DCDC2C: variants seen among roughly 807,000 people sequenced by gnomAD.
DCDC2C encodes the protein doublecortin domain-containing protein 2C.
A neutral mutation model predicts 45.0 loss-of-function variants in DCDC2C; 44 were observed. That is an observed-to-expected ratio of 0.98 (90% CI 0.77 to 1.26). The LOEUF (loss-of-function observed/expected upper bound fraction) is 1.26. Ranked by LOEUF, DCDC2C falls within the 50% of genes most tolerant of loss-of-function variation. The pLI is 0.00. For synonymous variants in DCDC2C, 187 were observed against 178.8 expected (o/e 1.05, Z -0.37); for missense variants, 447 against 468.9 (o/e 0.95, Z 0.43).
At position 3,840,019 on chromosome 2, in the gene DCDC2C, C is replaced by T. The variant is rs536205124; in HGVS notation, c.1066-7135C>T. ...ATACCTGAAATCAAGGCAGAATTGT[C>T]GGAGAAGATGTTCAATGGGGCAGAT... On this transcript the variant is annotated intron_variant, in intron 10 of 10. Transcript: ENST00000399143. 3.9e-5 allele frequency among the ~76,000 whole-genome samples: 6 copies of T among 152,100 alleles called. No homozygotes were observed. The South Asian group carries it at 6.2e-4, about 16-fold the overall frequency.
intron 10 of DCDC2C, among the ~76,000 whole-genome samples, chr2:3,807,879 T>C (rs1208635924): frequency 2.0e-5 from 3 of 152,092 alleles, no homozygotes; most frequent in Non-Finnish European, 4.4e-5. Flanking sequence ...CACCCATCTG[T>C]GTGCACAACA....
chr2:3,754,447 T>A (rs1669628204), intron 5 of DCDC2C, 145 bp from the exon 6 acceptor site: 3 of 685,872 alleles, frequency 4.4e-6, no homozygotes, highest in Admixed American at 3.5e-5. Context: ...GGGAAATCAT[T>A]GTTGCCATGA....
At chr2:3,839,617 T>G (rs1672160019) in intron 10 of DCDC2C, among the ~76,000 whole-genome samples, 1 of 152,214 alleles carries the variant, frequency 6.6e-6, no homozygotes, top group African/African-American at 2.4e-5. Flanking sequence ...CTCTTGAAAC[T>G]CTTCATTCTT....
At chr2:3,751,996 C>T (rs564228193) in intron 4 of DCDC2C, among the ~76,000 whole-genome samples, 14 of 152,322 alleles carry the variant, frequency 9.2e-5, no homozygotes, top group African/African-American at 2.2e-4. Flanking sequence ...TTCCCCTCCT[C>T]GCCCTGGCTT....
At chr2:3,749,485 G>A (rs1191679347) in intron 4 of DCDC2C, among the ~76,000 whole-genome samples, 1 of 152,122 alleles carries the variant, frequency 6.6e-6, no homozygotes, top group African/African-American at 2.4e-5. Context: ...ACATCTTCAC[G>A]TGGATGCATG....
At chr2:3,820,570 TC>T (rs1321793947) in intron 10 of DCDC2C, among the ~76,000 whole-genome samples, 1 of 152,048 alleles carries the variant, frequency 6.6e-6, no homozygotes, top group Non-Finnish European at 1.5e-5. Flanking sequence ...CAGGCAGGTG[TC>T]CCCACAGTGA....
At chr2:3,787,161 T>C (rs1337412522) in intron 10 of DCDC2C, among the ~76,000 whole-genome samples, 2 of 152,222 alleles carry the variant, frequency 1.3e-5, no homozygotes, top group Non-Finnish European at 2.9e-5. Context: ...GAAAATAATA[T>C]CTGGTTTGAA....
intron 2 of DCDC2C, among the ~76,000 whole-genome samples, chr2:3,721,246 T>G (rs1668492022): frequency 6.6e-6 from 1 of 152,216 alleles, no homozygotes; most frequent in African/African-American, 2.4e-5. Flanking sequence ...ATTGCATCTG[T>G]TCTAGTTTTT....
chr2:3,714,604 A>C lies in DCDC2C; in HGVS notation c.339+6004A>C, dbSNP rs190303989. ...CACATTTTTGTCATGGAAGAGAAGG[A>C]TGTGATTTGCTGAGTTGAATTTTTT... On this transcript the variant is annotated intron_variant, in intron 2 of 10. Transcript: ENST00000399143. Among the ~76,000 whole-genome samples, 50 of 152,324 alleles carry C rather than the reference A, an allele frequency of 3.3e-4. 1 individual carries two copies. Among genetic ancestry groups the C allele is most frequent in the African/African-American group, 1.1e-3 (46 of 41,570 alleles).
chr2:3,740,646 A>G lies in DCDC2C; in HGVS notation c.417-1274A>G, dbSNP rs185331517. ...ATCTTTATTGTAATTGTAATAGCAC[A>G]TGGATAAATTCTGATATAACTTGCA... On this transcript the variant is annotated intron_variant, in intron 3 of 10. Coordinates refer to ENST00000399143, the MANE Select transcript of DCDC2C (RefSeq NM_001287444.2). 3.4e-4 allele frequency among the ~76,000 whole-genome samples: 51 copies of G among 152,008 alleles called. No individual in the cohort carries two copies. In the Middle Eastern group the frequency reaches 0.01, roughly 30 times the overall value.
At chr2:3,786,133 G>A (rs929473752) in intron 10 of DCDC2C, among the ~76,000 whole-genome samples, 6 of 152,220 alleles carry the variant, frequency 3.9e-5, no homozygotes, top group African/African-American at 1.2e-4. Context: ...TGTGAGCTGC[G>A]TCTTGCCTAT....
At chr2:3,842,949 T>C (rs551188063) in intron 10 of DCDC2C, among the ~76,000 whole-genome samples, 19 of 152,262 alleles carry the variant, frequency 1.2e-4, no homozygotes, top group African/African-American at 4.6e-4. Flanking sequence ...CTGTTCTCTG[T>C]CTGGTAACAC....
chr2:3,714,646 C>A (rs149090956), intron 2 of DCDC2C, among the ~76,000 whole-genome samples: 5 of 152,282 alleles, frequency 3.3e-5, no homozygotes, highest in Admixed American at 2.0e-4. Context: ...CTGAAGCCTA[C>A]CAATGAATCT....
intron 2 of DCDC2C, among the ~76,000 whole-genome samples, chr2:3,720,551 A>C (rs1349579624): frequency 6.6e-6 from 1 of 152,226 alleles, no homozygotes; most frequent in Non-Finnish European, 1.5e-5. Flanking sequence ...TACCCTTCCC[A>C]CATGCAGCTG....
chr2:3,706,036 G>A (rs115809121), intron 1 of DCDC2C, among the ~76,000 whole-genome samples: 228 of 152,282 alleles, frequency 1.5e-3, no homozygotes, highest in African/African-American at 5.2e-3. Context: ...TTAGGTCAGT[G>A]AGTCTGAAAT....
intron 10 of DCDC2C, among the ~76,000 whole-genome samples, chr2:3,792,823 G>T (rs189505546): frequency 1.2e-3 from 178 of 152,290 alleles, no homozygotes; most frequent in Middle Eastern, 0.01. Flanking sequence ...AAAATCAAAC[G>T]TGAAGAGGAA....
chr2:3,820,146 A>G (rs533426983), intron 10 of DCDC2C, among the ~76,000 whole-genome samples: 14 of 152,324 alleles, frequency 9.2e-5, no homozygotes, highest in Non-Finnish European at 1.9e-4. Flanking sequence ...GACGTCAGGC[A>G]CCTCAGACCA....
intron 10 of DCDC2C, among the ~76,000 whole-genome samples, chr2:3,825,003 C>A (rs552582637): frequency 6.6e-6 from 1 of 152,250 alleles, no homozygotes; most frequent in Admixed American, 6.5e-5. Flanking sequence ...TTCATCAGTT[C>A]CCTGGCAGTG....
At chr2:3,775,638 A>G (rs1385242376) in intron 8 of DCDC2C, among the ~76,000 whole-genome samples, 15 of 51,014 alleles carry the variant, frequency 2.9e-4, no homozygotes, top group African/African-American at 1.0e-3. Flanking sequence ...TGTGGCTCTG[A>G]GCTAGGCAGC....
Sources: gnomAD v4.1 joint callset for allele counts (sites outside exome capture counted in the v4.1 genomes callset) on GRCh38, gnomAD v4.1.1 for gene constraint, MANE v1.5 for transcripts, NCBI Gene and HGNC (gene_info 2026-07-23, HGNC 2026-07-21) for gene names.